PYGL: variants seen among roughly 807,000 people sequenced by gnomAD.
The protein encoded by PYGL is glycogen phosphorylase L.
Under a neutral mutation model 100.1 loss-of-function variants are expected in PYGL, and 90 were observed. The observed-to-expected ratio is 0.90, with a 90% confidence interval of 0.76 to 1.07. The LOEUF is 1.07. Among genes scored for constraint, PYGL ranks in the 50% least tolerant of loss-of-function variants. The pLI is 0.00. For missense variants in PYGL, 1,016 were observed against 1,057.6 expected (o/e 0.96, Z 0.55); for synonymous variants, 373 against 393.0 (o/e 0.95, Z 0.60).
intron 5 of PYGL, 134 bp downstream of exon 5, chr14:50,923,835 A>T: frequency 8.6e-7 from 1 of 1,159,604 alleles, no homozygotes; most frequent in Non-Finnish European, 1.2e-6. Context: ...AGATTTATTT[A>T]CAAAAATATA....
chr14:50,916,529 T>C (rs1035928363), intron 9 of PYGL, 113 bp downstream of exon 9: 17 of 983,440 alleles, frequency 1.7e-5, no homozygotes, highest in Non-Finnish European at 2.7e-5. Context: ...CTTTAACTGT[T>C]GAAAGTTAGC....
intron 4 of PYGL, 64 bp from the exon 5 acceptor site, chr14:50,924,164 T>A: frequency 6.5e-7 from 1 of 1,534,672 alleles, no homozygotes; most frequent in South Asian, 1.1e-5. Flanking sequence ...AGCACTTCAA[T>A]TATATTATAT....
At chr14:50,913,173 A>T in intron 12 of PYGL, 43 bp from the exon 13 acceptor site, 1 of 1,560,200 alleles carries the variant, frequency 6.4e-7, no homozygotes, top group Admixed American at 1.7e-5. Flanking sequence ...TGGGGATGGT[A>T]ATCAAGTCCA....
intron 11 of PYGL, chr14:50,915,080 A>T (rs2050433042): frequency 1.6e-6 from 1 of 621,346 alleles, no homozygotes; most frequent in Admixed American, 2.9e-5. Flanking sequence ...TTTCAGTAGA[A>T]TAGTTTTTGG....
intron 1 of PYGL, among the ~76,000 whole-genome samples, chr14:50,939,045 T>C (rs1187081550): frequency 6.6e-6 from 1 of 152,152 alleles, no homozygotes; most frequent in East Asian, 1.9e-4. Flanking sequence ...TATTTATTTA[T>C]TGATGGATTG....
chr14:50,908,065 A>G (rs975953397), intron 19 of PYGL: 2 of 453,434 alleles, frequency 4.4e-6, no homozygotes, highest in East Asian at 4.2e-5. Context: ...TGAAATGTCA[A>G]ATCTCAACCT....
chr14:50,920,481 C>T (rs1382918597), intron 7 of PYGL, 60 bp downstream of exon 7: 115 of 1,446,462 alleles, frequency 8.0e-5, no homozygotes, highest in Non-Finnish European at 1.1e-4. Flanking sequence ...GGTTACTGAA[C>T]AGGCTCTTGT....
At chr14:50,922,128 T>C in intron 5 of PYGL, among the ~76,000 whole-genome samples, 1 of 151,862 alleles carries the variant, frequency 6.6e-6, no homozygotes. Context: ...CTCATCAGAG[T>C]CAAGCTCGAA....
chr14:50,915,862 A>T lies in PYGL; in HGVS notation c.1202T>A (p.Leu401Ter). ...CTGATTTATCTCATAAATGATTTCC[A>T]AATGTCGAGGGAGCAGCTTCTCCAC... ...DLVEKLLPRHLEIIYEINQKH... is the reference protein window; with the variant it reads ...DLVEKLLPRH The change falls in exon 10 of 20, where the codon TTG becomes TAG. Residue 401 changes from leucine to a stop codon, truncating the protein, a stop_gained. Coordinates refer to ENST00000216392, the MANE Select transcript of PYGL (RefSeq NM_002863.5). LOFTEE classifies it high-confidence loss of function. 6.2e-7 allele frequency: 1 copy of T among 1,614,160 alleles called. No individual in the cohort carries two copies. Among genetic ancestry groups the T allele is most frequent in the Non-Finnish European group, 8.5e-7 (1 of 1,179,996 alleles).
At position 50,905,236 on chromosome 14, in the gene PYGL, C is replaced by G. The variant is rs2050318269; in HGVS notation, c.*156G>C. On this transcript the variant is annotated 3_prime_UTR_variant, in exon 20 of 20. Coordinates refer to ENST00000216392, the MANE Select transcript of PYGL (RefSeq NM_002863.5). ...CTCATGTAGCCCTTGGAAATTGACA[C>G]TTTATTTTTAAGCTCTATTACATAT... The G allele has an allele frequency of 1.2e-5, 9 of 770,220 alleles. No homozygotes were observed. In the South Asian group the frequency reaches 1.4e-4, roughly 12 times the overall value. The allele number at this position is 770,220 out of a possible 1,614,324, so 47.7% of individuals were successfully genotyped here.
At chr14:50,939,667 A>G (rs2050687595) in intron 1 of PYGL, among the ~76,000 whole-genome samples, 1 of 152,176 alleles carries the variant, frequency 6.6e-6, no homozygotes, top group Non-Finnish European at 1.5e-5. Flanking sequence ...CTTCTCTACT[A>G]GACACAAAAC....
At position 50,911,750 on chromosome 14, in the gene PYGL, CTG is replaced by C. The variant is rs1566500885; in HGVS notation, c.1947_1948del (p.Tyr649Ter). 3 of 1,614,064 alleles carry C rather than the reference CTG, an allele frequency of 1.9e-6. No homozygotes were observed. The highest frequency in any genetic ancestry group is 3.3e-5 in the Admixed American group (2 of 59,996). On this transcript the variant is annotated stop_gained and frameshift_variant, in exon 16 of 20. Transcript: ENST00000216392. LOFTEE classifies it high-confidence loss of function. The stretch of plus-strand genomic sequence containing the variant: ...AGTACCTTTTTCAGCAAGAGATACT[CTG>C]TAGTTCTCCAAGAAGATGACTTTCA...
chr14:50,936,383 G>C (rs1316775208), intron 2 of PYGL, among the ~76,000 whole-genome samples: 1 of 152,150 alleles, frequency 6.6e-6, no homozygotes, highest in Non-Finnish European at 1.5e-5. Flanking sequence ...GTTCAACCTT[G>C]GTTATGCTTC....
At chr14:50,916,556 GA>G (rs143131531) in intron 9 of PYGL, 85 bp downstream of exon 9, 2 of 1,266,728 alleles carry the variant, frequency 1.6e-6, no homozygotes, top group Admixed American at 3.4e-5. Context: ...AACTTACTTT[GA>G]AAAACTAAAA....
chr14:50,910,821 G>A (rs977489124), intron 16 of PYGL, among the ~76,000 whole-genome samples: 1 of 152,120 alleles, frequency 6.6e-6, no homozygotes, highest in East Asian at 1.9e-4. Flanking sequence ...CGTAATTGAG[G>A]TGTGCCTGGG....
Position 50,937,742 on chromosome 14 carries a change from A to G in PYGL, c.339T>C (p.Ile113=). Residue 113 remains isoleucine (I), a synonymous_variant, in exon 2 of 20, where the codon ATT becomes ATC. Coordinates refer to ENST00000216392, the MANE Select transcript of PYGL (RefSeq NM_002863.5). ...LGLQNACDEA[I]YQLGLDIEEL... is the part of the protein sequence containing the mutation. ...AAATCTAGGAACAATGTACCTGGTAAATGGCCTCATCACAGGCATTTTGCA... is the reference window on the plus strand; with the variant it reads ...AAATCTAGGAACAATGTACCTGGTAGATGGCCTCATCACAGGCATTTTGCA... 1.9e-6 allele frequency: 3 copies of G among 1,611,746 alleles called. No homozygotes were observed. In the South Asian group the frequency reaches 3.3e-5, roughly 18 times the overall value.
rs186698799 is a variant in PYGL, at chr14:50,938,508, G to A, written c.244-671C>T. On this transcript the variant is annotated intron_variant, in intron 1 of 19. Coordinates refer to ENST00000216392, the MANE Select transcript of PYGL (RefSeq NM_002863.5). Reference sequence around the variant, plus strand: ...ATTAGAGGCGCGAGCCACTGCGCCCGGCCCCTTTACTTTCTTAATAAACTT... The same window carrying A: ...ATTAGAGGCGCGAGCCACTGCGCCCAGCCCCTTTACTTTCTTAATAAACTT... Among the ~76,000 whole-genome samples the A allele has an allele frequency of 7.0e-4, 107 of 152,258 alleles. 2 individuals are homozygous for A. In the South Asian group the frequency reaches 0.015, roughly 21 times the overall value.
At chr14:50,918,503 G>A (rs1022490407) in intron 7 of PYGL, among the ~76,000 whole-genome samples, 2 of 152,138 alleles carry the variant, frequency 1.3e-5, no homozygotes, top group Non-Finnish European at 2.9e-5. Flanking sequence ...ACATAAAAAG[G>A]AACAAAATAA....
At chr14:50,937,406 T>G (rs2050662633) in intron 2 of PYGL, among the ~76,000 whole-genome samples, 1 of 143,078 alleles carries the variant, frequency 7.0e-6, no homozygotes, top group South Asian at 2.4e-4. Context: ...GTAAAGATTG[T>G]GATTCTGATA....
Sources: gnomAD v4.1 joint callset for allele counts (sites outside exome capture counted in the v4.1 genomes callset) on GRCh38, gnomAD v4.1.1 for gene constraint, MANE v1.5 for transcripts, NCBI Gene and HGNC (gene_info 2026-07-23, HGNC 2026-07-21) for gene names.